RAPGEF1: variants seen among roughly 807,000 people sequenced by gnomAD.
RAPGEF1 encodes Rap guanine nucleotide exchange factor 1.
RAPGEF1 carries 33 observed loss-of-function variants against 143.3 expected under a neutral mutation model. The observed-to-expected ratio is 0.23, with a 90% confidence interval of 0.17 to 0.31. The LOEUF is 0.31. Ranked by LOEUF, RAPGEF1 falls within the 10% of genes least tolerant of loss-of-function variation. RAPGEF1 has a pLI of 1.00. For missense variants in RAPGEF1, 1,199 were observed against 1,645.4 expected (o/e 0.73, Z 4.69); for synonymous variants, 629 against 676.5 (o/e 0.93, Z 1.09).
intron 1 of RAPGEF1, among the ~76,000 whole-genome samples, chr9:131,725,945 G>A (rs563106983): frequency 6.6e-6 from 1 of 151,908 alleles, no homozygotes; most frequent in African/African-American, 2.4e-5. Context: ...TTTTTTAGTA[G>A]AGACGGGGTT....
chr9:131,631,658 T>A (rs1479055932), intron 5 of RAPGEF1, among the ~76,000 whole-genome samples: 1 of 152,188 alleles, frequency 6.6e-6, no homozygotes. Context: ...AACCAGCGGC[T>A]GCCAAGCCTC....
intron 1 of RAPGEF1, among the ~76,000 whole-genome samples, chr9:131,672,191 G>C (rs1223513928): frequency 6.6e-6 from 1 of 152,236 alleles, no homozygotes; most frequent in East Asian, 1.9e-4. Context: ...TTCAGAGAGG[G>C]AGAAGTAGCT....
At chr9:131,617,366 C>T (rs757051851) in intron 12 of RAPGEF1, among the ~76,000 whole-genome samples, 12 of 152,228 alleles carry the variant, frequency 7.9e-5, no homozygotes, top group Non-Finnish European at 7.3e-5. Flanking sequence ...ATGCTGGGGG[C>T]TCTAAGGCGT....
At position 131,626,381 on chromosome 9, in the gene RAPGEF1, A is replaced by C. The variant is rs755111510; in HGVS notation, c.1243T>G (p.Ser415Ala). 7.4e-6 allele frequency: 12 copies of C among 1,610,824 alleles called. No individual in the cohort carries two copies. The African/African-American group carries it at 1.3e-4, about 18-fold the overall frequency. Residue 415 changes from serine to alanine, a missense_variant, in exon 10 of 27, where the codon TCT (serine) becomes GCT (alanine). By Grantham distance (99) the Ser-to-Ala change is moderately conservative. Around this residue, in one of 6 missense-constraint regions of RAPGEF1, gnomAD observed 613 missense variants for 710.9 expected, o/e 0.86. Coordinates refer to ENST00000683357, the MANE Select transcript of RAPGEF1 (RefSeq NM_001377935.1). The part of the protein sequence containing the change: ...PDYEFLQQDL[S>A]NADQIPQQTA... ...TGCTGAGGTATCTGGTCTGCGTTAG[A>C]GAGGTCTTGCTGGAGGAATTCATAG... is the stretch of plus-strand genomic sequence containing the variant.
intron 1 of RAPGEF1, among the ~76,000 whole-genome samples, chr9:131,699,207 T>C (rs1834435917): frequency 6.6e-6 from 1 of 151,966 alleles, no homozygotes; most frequent in African/African-American, 2.4e-5. Context: ...TGCTCATTCT[T>C]TGACACTTTC....
intron 20 of RAPGEF1, 102 bp downstream of exon 20, chr9:131,588,699 G>T: frequency 7.9e-7 from 1 of 1,260,142 alleles, no homozygotes; most frequent in Non-Finnish European, 1.1e-6. Flanking sequence ...AAGGGCCTGT[G>T]CAGAACCAGG....
intron 1 of RAPGEF1, among the ~76,000 whole-genome samples, chr9:131,680,642 A>G (rs933220344): frequency 6.6e-6 from 1 of 152,192 alleles, no homozygotes; most frequent in Non-Finnish European, 1.5e-5. Context: ...TATTCCTTTA[A>G]TTTGGCCCAT....
At chr9:131,643,469 T>C (rs1183437023) in intron 3 of RAPGEF1, 52 bp from the exon 4 acceptor site, 5 of 1,506,944 alleles carry the variant, frequency 3.3e-6, no homozygotes, top group Non-Finnish European at 3.6e-6. Flanking sequence ...AAGGGAGCTA[T>C]TTTGAAAAAA....
chr9:131,643,116 G>A, intron 4 of RAPGEF1, 123 bp downstream of exon 4: 1 of 1,099,592 alleles, frequency 9.1e-7, no homozygotes, highest in Non-Finnish European at 1.3e-6. Context: ...GGGGAAGGAT[G>A]AGGGGTGATG....
At chr9:131,601,768 G>A (rs1262884696) in intron 15 of RAPGEF1, among the ~76,000 whole-genome samples, 2 of 151,738 alleles carry the variant, frequency 1.3e-5, no homozygotes, top group Non-Finnish European at 2.9e-5. Context: ...TCAGCTGGGC[G>A]TGGTACTGCA....
chr9:131,584,612 G>A lies in RAPGEF1; in HGVS notation c.3234-16C>T. On this transcript the variant is annotated splice_polypyrimidine_tract_variant and intron_variant, in intron 22 of 26. Transcript: ENST00000683357. The surrounding 1 kb of genome is among the most constrained non-coding windows in gnomAD (Gnocchi z 6.8). ...GGACCGGACCCTGCATGGACCAAGG[G>A]AAAAAGAAACAGCTGAGTTGACAAG... 1 of 1,613,436 alleles carries A rather than the reference G, an allele frequency of 6.2e-7. No homozygotes were observed. The highest frequency in any genetic ancestry group is 8.5e-7 in the Non-Finnish European group (1 of 1,179,410).
intron 1 of RAPGEF1, among the ~76,000 whole-genome samples, chr9:131,737,123 A>G (rs1837469279): frequency 6.6e-6 from 1 of 152,220 alleles, no homozygotes; most frequent in Admixed American, 6.5e-5. Context: ...ACCTTCTGCA[A>G]GGAGGCTGGA....
chr9:131,644,393 TAAA>T (rs34822352), intron 3 of RAPGEF1, among the ~76,000 whole-genome samples: 9 of 137,244 alleles, frequency 6.6e-5, no homozygotes, highest in Non-Finnish European at 7.8e-5. Context: ...GGCTGTCCTT[TAAA>T]AAAAAAAAAA....
chr9:131,590,243 C>T (rs1588234364), intron 18 of RAPGEF1, among the ~76,000 whole-genome samples: 1 of 152,154 alleles, frequency 6.6e-6, no homozygotes, highest in East Asian at 1.9e-4. Context: ...CTGTCCAGAC[C>T]CGCCTTTCCA....
intron 9 of RAPGEF1, among the ~76,000 whole-genome samples, chr9:131,627,003 A>AGGTCAG (rs55976652): frequency 0.87 from 131,405 of 151,684 alleles, 57,115 homozygotes; most frequent in African/African-American, 0.93. Flanking sequence ...CAGATCACCT[A>AGGTCAG]GAGTTCAAGA....
At chr9:131,616,199 G>A (rs899339159) in intron 12 of RAPGEF1, among the ~76,000 whole-genome samples, 1 of 152,024 alleles carries the variant, frequency 6.6e-6, no homozygotes, top group Non-Finnish European at 1.5e-5. Context: ...CCTGGGAGGC[G>A]GAGGTTGCAG....
Position 131,596,350 on chromosome 9 carries a change from G to A in RAPGEF1, c.2637C>T (p.Arg879=), listed in dbSNP as rs764133866. The A allele has an allele frequency of 4.1e-5, 66 of 1,613,944 alleles. No homozygotes were observed. The highest frequency in any genetic ancestry group is 1.8e-4 in the East Asian group (8 of 44,876). The change falls in exon 17 of 27, where the codon CGC becomes CGT. Residue 879 remains arginine, a synonymous_variant. Coordinates refer to ENST00000683357, the MANE Select transcript of RAPGEF1 (RefSeq NM_001377935.1). ...KQEGDDGPDV[R]GGSGDILLVH... is the part of the protein sequence containing the mutation. ...CCAGTAAGATGTCCCCAGATCCTCC[G>A]CGGACGTCCGGCCCGTCATCACCCT...
chr9:131,665,741 T>C (rs1830327739), intron 1 of RAPGEF1, among the ~76,000 whole-genome samples: 1 of 152,110 alleles, frequency 6.6e-6, no homozygotes, highest in South Asian at 2.1e-4. Context: ...GCAAAGCCAC[T>C]ATGAGTGGTT....
At chr9:131,645,782 A>C (rs1456663097) in intron 3 of RAPGEF1, among the ~76,000 whole-genome samples, 1 of 152,060 alleles carries the variant, frequency 6.6e-6, no homozygotes, top group Admixed American at 6.5e-5. Flanking sequence ...GCTGTGGGGG[A>C]TGGATTGCCA....
Sources: gnomAD v4.1 joint callset for allele counts (sites outside exome capture counted in the v4.1 genomes callset) on GRCh38, gnomAD v4.1.1 for gene constraint, gnomAD v4.1.1 regional missense constraint, Gnocchi (gnomAD v3.1) non-coding constraint, MANE v1.5 for transcripts, NCBI Gene and HGNC (gene_info 2026-07-23, HGNC 2026-07-21) for gene names.